ACTR3C: variants seen among roughly 807,000 people sequenced by gnomAD.
The protein encoded by ACTR3C is actin related protein 3C.
Under a neutral mutation model 26.3 loss-of-function variants are expected in ACTR3C, and 18 were observed. The observed-to-expected ratio is 0.68, with a 90% CI of 0.47 to 1.01. The LOEUF (loss-of-function observed/expected upper bound fraction) is 1.01. ACTR3C is among the 50% of genes least tolerant of loss of function. ACTR3C has a pLI of 0.00. For missense variants in ACTR3C, 184 were observed against 250.7 expected (o/e 0.73, Z 1.80); for synonymous variants, 55 against 94.5 (o/e 0.58, Z 2.42).
At chr7:150,198,698 A>G in the ACTR3C span, among the ~76,000 whole-genome samples, 1 of 132,474 alleles carries the variant, frequency 7.5e-6, no homozygotes, top group Non-Finnish European at 1.6e-5. Flanking sequence ...CAGCCACCCC[A>G]TCTGGGAAGT....
the ACTR3C span, among the ~76,000 whole-genome samples, chr7:149,916,822 C>A: frequency 1.3e-5 from 2 of 151,254 alleles, no homozygotes; most frequent in Admixed American, 6.6e-5. Context: ...TTTTCTCATA[C>A]AGAAATCAGG....
chr7:149,954,212 A>T, the ACTR3C span, among the ~76,000 whole-genome samples: 1 of 152,262 alleles, frequency 6.6e-6, no homozygotes, highest in South Asian at 2.1e-4. Context: ...CAGAGCTAAA[A>T]GAAGAATCAC....
At chr7:150,039,373 ATGGGGGTCCT>A in the ACTR3C span, among the ~76,000 whole-genome samples, 2 of 92,338 alleles carry the variant, frequency 2.2e-5, no homozygotes, top group Non-Finnish European at 5.1e-5. Flanking sequence ...CCCTCCTGCG[ATGGGGGTCCT>A]AAGAACCCGG....
the ACTR3C span, among the ~76,000 whole-genome samples, chr7:149,911,221 A>G: frequency 6.6e-6 from 1 of 151,822 alleles, no homozygotes; most frequent in Non-Finnish European, 1.5e-5. Flanking sequence ...AAATAAGTGA[A>G]TTACTAACCC....
At chr7:150,311,347 G>C (rs918757762) in intron 1 of ACTR3C, among the ~76,000 whole-genome samples, 2 of 152,140 alleles carry the variant, frequency 1.3e-5, no homozygotes, top group African/African-American at 2.4e-5. Flanking sequence ...ACAGTTCTAG[G>C]CTGGCCCTCA....
the ACTR3C span, among the ~76,000 whole-genome samples, chr7:150,064,466 G>A: frequency 2.0e-5 from 3 of 147,918 alleles, no homozygotes; most frequent in Non-Finnish European, 4.5e-5. Context: ...TGGCAAGGCT[G>A]AGGCAGGAGA....
At chr7:149,928,259 G>A in the ACTR3C span, among the ~76,000 whole-genome samples, 3 of 148,634 alleles carry the variant, frequency 2.0e-5, no homozygotes, top group Non-Finnish European at 3.0e-5. Context: ...GTGCAGTGGC[G>A]CGATCTCAGC....
chr7:150,233,678 T>C, the ACTR3C span, among the ~76,000 whole-genome samples: 1 of 151,398 alleles, frequency 6.6e-6, no homozygotes. Context: ...TCCTTTTGAT[T>C]GTTTCCTAGA....
intron 6 of ACTR3C, among the ~76,000 whole-genome samples, chr7:150,278,000 C>T (rs1376774229): frequency 6.6e-6 from 1 of 152,200 alleles, no homozygotes; most frequent in Non-Finnish European, 1.5e-5. Context: ...CTCGGAGCCC[C>T]AGTTGGCAAT....
downstream of ACTR3C, among the ~76,000 whole-genome samples, chr7:150,239,536 CTCTCTATATATA>C (rs1379750975): frequency 1.8e-5 from 2 of 112,966 alleles, no homozygotes; most frequent in African/African-American, 8.2e-5. Context: ...CTCTCTCTCT[CTCTCTATATATA>C]TATATATATA....
the ACTR3C span, among the ~76,000 whole-genome samples, chr7:150,163,329 C>A: frequency 9.9e-5 from 15 of 150,762 alleles, 1 homozygote; most frequent in South Asian, 3.2e-3. Flanking sequence ...GAAACAAAAC[C>A]AATAGGAGAG....
At chr7:150,080,783 T>C in the ACTR3C span, among the ~76,000 whole-genome samples, 1 of 152,182 alleles carries the variant, frequency 6.6e-6, no homozygotes, top group African/African-American at 2.4e-5. Context: ...AAAGACTTTA[T>C]ATGACCCATG....
intron 1 of ACTR3C, among the ~76,000 whole-genome samples, chr7:150,299,464 C>CAAAAAAAAAAAA (rs759969034): frequency 7.1e-5 from 1 of 14,110 alleles, no homozygotes; most frequent in Non-Finnish European, 1.3e-4. Context: ...GACCCCCTCT[C>CAAAAAAAAAAAA]AAAAAAAAAA....
chr7:149,960,465 C>G, the ACTR3C span, among the ~76,000 whole-genome samples: 175 of 152,262 alleles, frequency 1.1e-3, no homozygotes, highest in African/African-American at 3.8e-3. Flanking sequence ...CCCAAGCCCA[C>G]TTTTAAATTT....
chr7:150,254,640 C>T (rs1833081812), intron 6 of ACTR3C, among the ~76,000 whole-genome samples: 1 of 152,092 alleles, frequency 6.6e-6, no homozygotes, highest in South Asian at 2.1e-4. Context: ...TTCTTTACCC[C>T]TCCCTTATTC....
intron 1 of ACTR3C, among the ~76,000 whole-genome samples, chr7:150,306,376 A>G (rs1248233326): frequency 1.3e-5 from 2 of 152,236 alleles, no homozygotes; most frequent in East Asian, 1.9e-4. Context: ...TGAAGTAGAC[A>G]GAAGGAAGCA....
chr7:149,913,663 A>T, the ACTR3C span, among the ~76,000 whole-genome samples: 1 of 150,684 alleles, frequency 6.6e-6, no homozygotes. Context: ...TGTGTTCTTA[A>T]CACCCCTCGC....
chr7:150,187,385 C>T, the ACTR3C span, among the ~76,000 whole-genome samples: 1 of 152,044 alleles, frequency 6.6e-6, no homozygotes, highest in Non-Finnish European at 1.5e-5. Flanking sequence ...ACATATCATT[C>T]ATGTATCTTC....
At chr7:150,018,817 C>T in the ACTR3C span, among the ~76,000 whole-genome samples, 1 of 150,304 alleles carries the variant, frequency 6.7e-6, no homozygotes, top group East Asian at 1.9e-4. Flanking sequence ...CCATATTGTT[C>T]GTATCTAAGA....
Sources: gnomAD v4.1 joint callset for allele counts (sites outside exome capture counted in the v4.1 genomes callset) on GRCh38, gnomAD v4.1.1 for gene constraint, MANE v1.5 for transcripts, NCBI Gene and HGNC (gene_info 2026-07-23, HGNC 2026-07-21) for gene names.